Variants in CLIP4 observed in about 807,000 individuals in gnomAD.
CLIP4 encodes CAP-Gly domain-containing linker protein 4.
A neutral mutation model predicts 73.1 loss-of-function variants in CLIP4; 47 were observed. The ratio of observed to expected loss-of-function variants is 0.64; its 90% CI spans 0.51 to 0.82. The LOEUF is 0.82. CLIP4 is among the 40% of genes least tolerant of loss of function. The pLI is 0.00. For missense variants in CLIP4, 874 were observed against 852.9 expected (o/e 1.02, Z -0.31); for synonymous variants, 306 against 295.4 (o/e 1.04, Z -0.37).
intron 7 of CLIP4, among the ~76,000 whole-genome samples, chr2:29,144,798 C>CTTTTTTTTTT (rs34304199): frequency 2.4e-5 from 2 of 84,286 alleles, no homozygotes; most frequent in Non-Finnish European, 4.4e-5. Context: ...AGTTATATCC[C>CTTTTTTTTTT]TTTTTTTTTT....
intron 14 of CLIP4, among the ~76,000 whole-genome samples, chr2:29,169,840 T>C (rs1363359244): frequency 1.3e-5 from 2 of 152,162 alleles, no homozygotes; most frequent in Non-Finnish European, 2.9e-5. Flanking sequence ...TGCTATTGAA[T>C]ACTAGAACTT....
At chr2:29,123,093 C>G (rs1380474271) in intron 2 of CLIP4, among the ~76,000 whole-genome samples, 1 of 152,144 alleles carries the variant, frequency 6.6e-6, no homozygotes, top group East Asian at 1.9e-4. Flanking sequence ...CCAAGTGATT[C>G]TAGTTTGATA....
At chr2:29,107,358 G>GT (rs796180363) in intron 1 of CLIP4, among the ~76,000 whole-genome samples, 2,979 of 65,136 alleles carry the variant, frequency 0.046, 801 homozygotes, top group African/African-American at 0.073. Context: ...GAACATGATA[G>GT]TTTTTTTTTT....
At chr2:29,158,627 T>TG (rs1667092679) in intron 11 of CLIP4, among the ~76,000 whole-genome samples, 1 of 152,124 alleles carries the variant, frequency 6.6e-6, no homozygotes, top group African/African-American at 2.4e-5. Context: ...TTTTATAGAT[T>TG]TGCATTTGAG....
chr2:29,149,413 T>TC (rs1020149076), intron 8 of CLIP4, among the ~76,000 whole-genome samples: 4 of 150,732 alleles, frequency 2.7e-5, no homozygotes, highest in Admixed American at 6.6e-5. Context: ...TCCTTTTCTT[T>TC]TTTTTTTTTT....
At chr2:29,160,508 G>GGA in intron 12 of CLIP4, 41 bp downstream of exon 12, 1 of 1,606,438 alleles carries the variant, frequency 6.2e-7, no homozygotes, top group Non-Finnish European at 8.5e-7. Flanking sequence ...ATTCTTTAGA[G>GGA]TACAAAAGGT....
At chr2:29,112,375 T>C (rs538440034), upstream of CLIP4, among the ~76,000 whole-genome samples, 16 of 152,388 alleles carry the variant, frequency 1.0e-4, no homozygotes, top group African/African-American at 3.6e-4. Flanking sequence ...ATCCATGCTG[T>C]ATCTCTCCAC....
At chr2:29,106,942 C>G (rs1558504643) in intron 1 of CLIP4, among the ~76,000 whole-genome samples, 1 of 152,182 alleles carries the variant, frequency 6.6e-6, no homozygotes, top group African/African-American at 2.4e-5. Flanking sequence ...TAACTATCCC[C>G]TGCTGTTTCA....
At chr2:29,162,104 T>G (rs1469631819) in intron 12 of CLIP4, among the ~76,000 whole-genome samples, 1 of 152,250 alleles carries the variant, frequency 6.6e-6, no homozygotes, top group African/African-American at 2.4e-5. Flanking sequence ...TTACAATTAC[T>G]ATTTGTCTTT....
At chr2:29,172,675 A>T (rs1304047681) in intron 14 of CLIP4, among the ~76,000 whole-genome samples, 2 of 151,872 alleles carry the variant, frequency 1.3e-5, no homozygotes, top group Admixed American at 6.6e-5. Flanking sequence ...TATTTTTCTT[A>T]GCTCCTTCTG....
At chr2:29,130,129 C>G (rs1412661496) in intron 2 of CLIP4, 1 of 465,354 alleles carries the variant, frequency 2.1e-6, no homozygotes, top group Non-Finnish European at 4.5e-6. Flanking sequence ...GAGACTTACT[C>G]TAGAACTCCA....
At chr2:29,129,700 C>A (rs116231542) in intron 2 of CLIP4, among the ~76,000 whole-genome samples, 2,766 of 152,078 alleles carry the variant, frequency 0.018, 64 homozygotes, top group African/African-American at 0.054. Context: ...TTGTGTTCAG[C>A]AGCTTCTGCA....
chr2:29,148,537 G>T (rs1197086676), intron 8 of CLIP4, among the ~76,000 whole-genome samples: 1 of 152,116 alleles, frequency 6.6e-6, no homozygotes, highest in African/African-American at 2.4e-5. Context: ...AGATTGTACG[G>T]CAAGGCTTAT....
chr2:29,138,780 C>T (rs1665555313), intron 6 of CLIP4, among the ~76,000 whole-genome samples: 3 of 151,870 alleles, frequency 2.0e-5, no homozygotes. Flanking sequence ...GAATTGTGTT[C>T]TTGATTTTGT....
rs1161676812 is a variant in CLIP4, at chr2:29,115,677, G to A, written c.-16+12G>A. On this transcript the variant is annotated intron_variant, in intron 1 of 15. Transcript: ENST00000320081. This position sits in a 1 kb window ranked among gnomAD's most constrained non-coding sequence, Gnocchi z 5.1. ...CCCGGAGGAGGCAGGTGGGCCGGGG[G>A]CGCGCGGGGCCCCCCCGGGCCGCGG... 4.1e-5 allele frequency: 6 copies of A among 147,526 alleles called. No individual in the cohort carries two copies. Among genetic ancestry groups the A allele is most frequent in the Admixed American group, 2.0e-4 (3 of 14,880 alleles). 9.1% of individuals were successfully genotyped at this position (147,526 alleles called of 1,614,324 possible).
intron 12 of CLIP4, 112 bp downstream of exon 12, chr2:29,160,579 G>A: frequency 8.3e-7 from 1 of 1,204,218 alleles, no homozygotes; most frequent in Non-Finnish European, 1.2e-6. Flanking sequence ...CAGTTTTTGT[G>A]GATGGCAGCT....
At position 29,182,675 on chromosome 2, in the gene CLIP4, C is replaced by T. The variant is rs1668700279; in HGVS notation, c.*782C>T. On this transcript the variant is annotated 3_prime_UTR_variant, in exon 16 of 16. Transcript: ENST00000320081. ...TTGACTGCTTCATCTGGATGAACTA[C>T]AAAAAACCCATGATTAAGGTTTATG... 1 of 152,596 alleles carries T rather than the reference C, an allele frequency of 6.6e-6. No individual in the cohort carries two copies. The allele number at this position is 152,596 out of a possible 1,614,324, so 9.5% of individuals were successfully genotyped here. A position where few individuals can be genotyped will look rare whatever the true frequency, so the allele number is the denominator to read the frequency against.
chr2:29,149,165 T>A (rs1666372855), intron 8 of CLIP4, among the ~76,000 whole-genome samples: 1 of 152,184 alleles, frequency 6.6e-6, no homozygotes. Flanking sequence ...CAGATGGACG[T>A]GGCTACGGTT....
At chr2:29,111,266 C>T (rs1425510954), upstream of CLIP4, among the ~76,000 whole-genome samples, 1 of 152,220 alleles carries the variant, frequency 6.6e-6, no homozygotes, top group Non-Finnish European at 1.5e-5. Flanking sequence ...TTCTGCCATG[C>T]TGGTGGGTGA....
Sources: allele counts gnomAD v4.1 joint callset (sites outside exome capture counted in the v4.1 genomes callset), GRCh38; gene constraint gnomAD v4.1.1; non-coding constraint Gnocchi (gnomAD v3.1); transcripts MANE v1.5; gene names NCBI Gene and HGNC (gene_info 2026-07-23, HGNC 2026-07-21).